Variants in NELL2 observed in about 807,000 individuals in gnomAD.
The protein encoded by NELL2 is protein kinase C-binding protein NELL2.
A neutral mutation model predicts 109.6 loss-of-function variants in NELL2; 41 were observed. That is an observed-to-expected ratio of 0.37 (90% confidence interval 0.29 to 0.49). The LOEUF (loss-of-function observed/expected upper bound fraction) is 0.49, where lower values mean the gene tolerates loss of function less well. Among genes scored for constraint, NELL2 ranks in the 20% least tolerant of loss-of-function variants. The pLI is 0.98. For missense variants in NELL2, 900 were observed against 1,008.3 expected, an observed-to-expected ratio of 0.89 and a Z score of 1.45; for synonymous variants, 355 against 344.7, an observed-to-expected ratio of 1.03 and a Z score of -0.33.
At chr12:44,705,994 T>C (rs1937856844) in intron 11 of NELL2, among the ~76,000 whole-genome samples, 1 of 152,154 alleles carries the variant, frequency 6.6e-6, no homozygotes, top group Non-Finnish European at 1.5e-5. Context: ...CCACCTCTAT[T>C]ATCATCCATT....
intron 13 of NELL2, among the ~76,000 whole-genome samples, chr12:44,636,917 C>T (rs1037696515): frequency 1.3e-5 from 2 of 152,128 alleles, no homozygotes; most frequent in Middle Eastern, 3.4e-3. Flanking sequence ...TTATTTACTG[C>T]CTCAATTTCA....
chr12:44,711,150 G>A (rs1023929189), intron 11 of NELL2, 142 bp downstream of exon 11: 15 of 611,618 alleles, frequency 2.5e-5, no homozygotes, highest in Admixed American at 5.4e-5. Context: ...GTGCTACTCT[G>A]TGCCAAATTA....
intron 5 of NELL2, 146 bp from the exon 6 acceptor site, chr12:44,777,460 T>C: frequency 1.6e-6 from 1 of 642,550 alleles, no homozygotes; most frequent in South Asian, 1.9e-5. Context: ...TTATTTCCAC[T>C]TCATACCAAA....
chr12:44,773,160 T>C (rs1941614666), intron 9 of NELL2, among the ~76,000 whole-genome samples: 1 of 152,130 alleles, frequency 6.6e-6, no homozygotes, highest in Non-Finnish European at 1.5e-5. Flanking sequence ...CATAAAATTA[T>C]GGATGTAAAG....
In NELL2 at chr12:44,820,608, CAAAAAA is replaced by C. The variant is rs11445797; in HGVS notation, c.185-4478_185-4473del. ...TGGGTGACAGAGCAAGACTCCGTCT[CAAAAAA>C]AAAAAAAAGAAAAAGAAAGTAGAAC... On this transcript the variant is annotated intron_variant, in intron 2 of 19. Transcript: ENST00000429094. Among the ~76,000 whole-genome samples, 14 of 133,846 alleles carry C rather than the reference CAAAAAA, an allele frequency of 1.0e-4. No individual in the cohort carries two copies. In the South Asian group the frequency reaches 1.9e-3, roughly 18 times the overall value. 87.8% of individuals were successfully genotyped at this position (133,846 alleles called of 152,430 possible).
chr12:44,866,511 G>T (rs1945004747), intron 2 of NELL2, among the ~76,000 whole-genome samples: 1 of 151,988 alleles, frequency 6.6e-6, no homozygotes, highest in Non-Finnish European at 1.5e-5. Context: ...AGCAACAAAT[G>T]CCTACATTTA....
intron 15 of NELL2, among the ~76,000 whole-genome samples, chr12:44,583,535 A>G (rs941302651): frequency 4.6e-5 from 7 of 152,194 alleles, no homozygotes; most frequent in Non-Finnish European, 1.0e-4. Context: ...AATAAAAGAA[A>G]CTACAAATTA....
chr12:44,536,827 T>C (rs1942310692), intron 15 of NELL2, among the ~76,000 whole-genome samples: 1 of 151,954 alleles, frequency 6.6e-6, no homozygotes, highest in Non-Finnish European at 1.5e-5. Context: ...ACAGAGAATC[T>C]AAAATCCAAA....
chr12:44,799,468 C>T (rs1942755231), intron 3 of NELL2, among the ~76,000 whole-genome samples: 1 of 151,118 alleles, frequency 6.6e-6, no homozygotes, highest in Non-Finnish European at 1.5e-5. Context: ...TATAACCCTT[C>T]ACTAATTCTC....
chr12:44,756,540 C>A (rs1461659316), intron 9 of NELL2, among the ~76,000 whole-genome samples: 1 of 152,042 alleles, frequency 6.6e-6, no homozygotes, highest in Non-Finnish European at 1.5e-5. Context: ...TCTAATCTGG[C>A]GTCCTTTTCC....
chr12:44,830,214 A>C (rs1943844172), intron 2 of NELL2, among the ~76,000 whole-genome samples: 1 of 152,192 alleles, frequency 6.6e-6, no homozygotes, highest in Admixed American at 6.5e-5. Context: ...CTCAGACTCC[A>C]CAAGCAGATT....
chr12:44,714,577 G>T, intron 10 of NELL2, 73 bp downstream of exon 10: 3 of 813,820 alleles, frequency 3.7e-6, no homozygotes, highest in South Asian at 3.6e-5. Context: ...TTTCAAGGTT[G>T]AGCTAGTAAA....
chr12:44,776,914 G>C, intron 7 of NELL2, 128 bp downstream of exon 7: 2 of 735,390 alleles, frequency 2.7e-6, no homozygotes, highest in Non-Finnish European at 4.6e-6. Context: ...CAGAGATTTA[G>C]ATTCAGTCCT....
chr12:44,705,968 T>C (rs1355167817), intron 11 of NELL2, among the ~76,000 whole-genome samples: 1 of 152,186 alleles, frequency 6.6e-6, no homozygotes, highest in African/African-American at 2.4e-5. Context: ...ATATTATCTA[T>C]GCCATATGTG....
chr12:44,901,015 C>T (rs1433745209), intron 1 of NELL2, among the ~76,000 whole-genome samples: 1 of 151,518 alleles, frequency 6.6e-6, no homozygotes, highest in African/African-American at 2.4e-5. Flanking sequence ...CAAAACAAAA[C>T]AAAACTACCA....
At chr12:44,599,822 G>C (rs971127947) in intron 15 of NELL2, among the ~76,000 whole-genome samples, 10 of 152,056 alleles carry the variant, frequency 6.6e-5, no homozygotes, top group Non-Finnish European at 1.5e-4. Context: ...AACCTTGAAA[G>C]TAATTAGAGA....
At chr12:44,644,681 C>T (rs1947028103) in intron 13 of NELL2, among the ~76,000 whole-genome samples, 1 of 135,216 alleles carries the variant, frequency 7.4e-6, no homozygotes, top group Non-Finnish European at 1.6e-5. Context: ...CTCACTATAC[C>T]TTTTTTTTAT....
intron 13 of NELL2, among the ~76,000 whole-genome samples, chr12:44,616,511 A>C (rs17650734): frequency 0.053 from 8,016 of 152,236 alleles, 339 homozygotes; most frequent in Non-Finnish European, 0.074. Context: ...ACCTGAGAAA[A>C]AGCTCCCTTA....
chr12:44,794,375 C>A (rs1002126936), intron 3 of NELL2, among the ~76,000 whole-genome samples: 1 of 152,176 alleles, frequency 6.6e-6, no homozygotes, highest in Non-Finnish European at 1.5e-5. Context: ...CCTCTGTCTT[C>A]TCTTGGTACA....
Sources: allele counts gnomAD v4.1 joint callset (sites outside exome capture counted in the v4.1 genomes callset), GRCh38; gene constraint gnomAD v4.1.1; transcripts MANE v1.5; gene names NCBI Gene and HGNC (gene_info 2026-07-23, HGNC 2026-07-21).